The following CYTH1 variants were observed in gnomAD, a reference collection of about 807,000 sequenced individuals.
CYTH1 encodes the protein cytohesin 1, also known as cytohesin-1.
Under a neutral mutation model 61.8 loss-of-function variants are expected in CYTH1, and 18 were observed. That is an observed-to-expected ratio of 0.29 (90% CI 0.20 to 0.43). The LOEUF is 0.43. Ranked by LOEUF, CYTH1 falls within the 20% of genes least tolerant of loss-of-function variation. The pLI is 1.00. For synonymous variants in CYTH1, 174 were observed against 184.3 expected (o/e 0.94, Z 0.45); for missense variants, 336 against 510.5 (o/e 0.66, Z 3.29).
intron 1 of CYTH1, among the ~76,000 whole-genome samples, chr17:78,730,660 A>G (rs1427526787): frequency 6.6e-6 from 1 of 151,518 alleles, no homozygotes; most frequent in Non-Finnish European, 1.5e-5. Flanking sequence ...TTACGAAATT[A>G]TTATTATTAT....
chr17:78,718,918 C>CGG (rs2093205378), intron 1 of CYTH1, among the ~76,000 whole-genome samples: 1 of 152,216 alleles, frequency 6.6e-6, no homozygotes. Flanking sequence ...TCATCATTGA[C>CGG]GCATTCAGCC....
At chr17:78,721,432 C>A (rs1205494641) in intron 1 of CYTH1, among the ~76,000 whole-genome samples, 1 of 152,234 alleles carries the variant, frequency 6.6e-6, no homozygotes, top group Non-Finnish European at 1.5e-5. Flanking sequence ...GGCAGAGGTG[C>A]CTTCCGGCAA....
At chr17:78,764,505 T>TA (rs1231065058) in intron 1 of CYTH1, among the ~76,000 whole-genome samples, 1 of 152,124 alleles carries the variant, frequency 6.6e-6, no homozygotes. Context: ...TCTGAATGCA[T>TA]AAAAAATGTC....
rs544126265 is a variant in CYTH1 at position 78,681,484 on chromosome 17, C to G, written c.892-442G>C. On this transcript the variant is annotated intron_variant, in intron 11 of 13. Transcript: ENST00000446868. ...TGTGGGTCTGACCATTAACCACTCA[C>G]TGCCTCTGTCCATCGCCCCACCGCC... 1.1e-4 allele frequency among the ~76,000 whole-genome samples: 16 copies of G among 152,304 alleles called. No homozygotes were observed. In the East Asian group the frequency reaches 2.9e-3, roughly 28 times the overall value.
At chr17:78,737,634 C>T (rs1283548709) in intron 1 of CYTH1, among the ~76,000 whole-genome samples, 1 of 151,606 alleles carries the variant, frequency 6.6e-6, no homozygotes, top group East Asian at 1.9e-4. Context: ...GGGCCAAACT[C>T]CCAATCTAAG....
chr17:78,720,695 CA>C (rs1242694002), intron 1 of CYTH1, among the ~76,000 whole-genome samples: 1 of 152,100 alleles, frequency 6.6e-6, no homozygotes, highest in East Asian at 1.9e-4. Flanking sequence ...GGTGACATGG[CA>C]AAACCTCATC....
chr17:78,768,472 C>T lies in CYTH1; in HGVS notation c.22+13730G>A, dbSNP rs76174180. Among the ~76,000 whole-genome samples the T allele has an allele frequency of 5.8e-3, 877 of 152,298 alleles. 38 individuals are homozygous for T. The East Asian group carries it at 0.11, about 19-fold the overall frequency. ...AAACTCCAGAGATTACGTCCAAAAC[C>T]GAAGTCCTATTCTCAGTATGGAAAC... is the stretch of plus-strand genomic sequence containing the variant. On this transcript the variant is annotated intron_variant, in intron 1 of 13. Coordinates refer to ENST00000446868, the MANE Select transcript of CYTH1 (RefSeq NM_004762.6).
intron 1 of CYTH1, among the ~76,000 whole-genome samples, chr17:78,769,874 A>G (rs374228985): frequency 2.0e-4 from 31 of 151,830 alleles, no homozygotes; most frequent in Non-Finnish European, 1.8e-4. Flanking sequence ...AAAATTGGCC[A>G]GGCACAGTGG....
chr17:78,734,994 C>T (rs1056055125), intron 1 of CYTH1, among the ~76,000 whole-genome samples: 1 of 152,142 alleles, frequency 6.6e-6, no homozygotes, highest in Admixed American at 6.5e-5. Flanking sequence ...CTAAATGCCA[C>T]TCTGTCTCTC....
At chr17:78,701,434 TAA>T (rs1255011600) in intron 6 of CYTH1, among the ~76,000 whole-genome samples, 3 of 152,208 alleles carry the variant, frequency 2.0e-5, no homozygotes, top group Non-Finnish European at 2.9e-5. Context: ...ACCTCAAATA[TAA>T]GACTCAAGGA....
At chr17:78,709,820 T>C (rs978756301) in intron 1 of CYTH1, 88 bp from the exon 2 acceptor site, 19 of 1,189,514 alleles carry the variant, frequency 1.6e-5, no homozygotes, top group South Asian at 9.3e-5. Flanking sequence ...GAGAAAGATA[T>C]CAAGAAAGAA....
intron 11 of CYTH1, among the ~76,000 whole-genome samples, chr17:78,688,090 G>C (rs1480271377): frequency 6.6e-6 from 1 of 152,078 alleles, no homozygotes; most frequent in Non-Finnish European, 1.5e-5. Flanking sequence ...ACACTTTTTG[G>C]CTAGCCAGCA....
intron 1 of CYTH1, among the ~76,000 whole-genome samples, chr17:78,768,469 A>G (rs562411618): frequency 6.6e-6 from 1 of 152,314 alleles, no homozygotes; most frequent in East Asian, 1.9e-4. Context: ...TTACGTCCAA[A>G]ACCGAAGTCC....
At position 78,675,192 on chromosome 17, in the gene CYTH1, A is replaced by T. The variant is rs2092684952; in HGVS notation, c.*899T>A. On this transcript the variant is annotated 3_prime_UTR_variant, in exon 14 of 14. Coordinates refer to ENST00000446868, the MANE Select transcript of CYTH1 (RefSeq NM_004762.6). ...TCACAGTTTTGGTTATTAGGTATTT[A>T]GCTCAAGGAAAATGCTGACTTTCTA... The T allele has an allele frequency of 6.6e-6, 1 of 152,272 alleles. No individual in the cohort carries two copies. The highest frequency in any genetic ancestry group is 1.5e-5 in the Non-Finnish European group (1 of 68,052). The allele number at this position is 152,272 out of a possible 1,614,324, so 9.4% of individuals were successfully genotyped here.
chr17:78,739,747 G>C (rs1221203014), intron 1 of CYTH1, among the ~76,000 whole-genome samples: 1 of 152,116 alleles, frequency 6.6e-6, no homozygotes, highest in African/African-American at 2.4e-5. Flanking sequence ...ACCAGTTGGG[G>C]GGCTGCTATA....
At chr17:78,693,884 C>G (rs1324113644) in intron 10 of CYTH1, among the ~76,000 whole-genome samples, 1 of 152,164 alleles carries the variant, frequency 6.6e-6, no homozygotes, top group African/African-American at 2.4e-5. Flanking sequence ...ACTTCTTGTG[C>G]CTGCTCTTTT....
chr17:78,768,833 TC>T (rs1167616660), intron 1 of CYTH1, among the ~76,000 whole-genome samples: 1 of 150,686 alleles, frequency 6.6e-6, no homozygotes, highest in African/African-American at 2.4e-5. Context: ...CTCTCTCCCT[TC>T]CCCCTCTTGG....
At chr17:78,710,684 A>G (rs2093119641) in intron 1 of CYTH1, among the ~76,000 whole-genome samples, 1 of 152,166 alleles carries the variant, frequency 6.6e-6, no homozygotes, top group African/African-American at 2.4e-5. Flanking sequence ...TCCCACCATC[A>G]CCCACTTGAT....
chr17:78,728,242 C>T (rs904400508), intron 1 of CYTH1, among the ~76,000 whole-genome samples: 6 of 152,168 alleles, frequency 3.9e-5, no homozygotes, highest in African/African-American at 1.4e-4. Context: ...ACATACACCA[C>T]GATGTTTAAA....
Sources: allele counts gnomAD v4.1 joint callset (sites outside exome capture counted in the v4.1 genomes callset), GRCh38; gene constraint gnomAD v4.1.1; transcripts MANE v1.5; gene names NCBI Gene and HGNC (gene_info 2026-07-23, HGNC 2026-07-21).